Variants in KCMF1 observed in about 807,000 individuals in gnomAD.
KCMF1 encodes the protein E3 ubiquitin-protein ligase KCMF1.
KCMF1 carries 3 observed loss-of-function variants against 41.1 expected under a neutral mutation model. The observed-to-expected ratio is 0.07, with a 90% CI of 0.03 to 0.19. The LOEUF (loss-of-function observed/expected upper bound fraction) is 0.19, where lower values mean the gene tolerates loss of function less well. Among genes scored for constraint, KCMF1 ranks in the 10% least tolerant of loss-of-function variants. The pLI is 1.00. For synonymous variants in KCMF1, 142 were observed against 164.5 expected (o/e 0.86, Z 1.04); for missense variants, 286 against 488.9 (o/e 0.58, Z 3.91).
chr2:85,041,761 CTT>C (rs76025789), intron 3 of KCMF1, among the ~76,000 whole-genome samples: 74 of 91,900 alleles, frequency 8.1e-4, no homozygotes, highest in East Asian at 1.2e-3. Context: ...CATTGCTGGT[CTT>C]TTTTTTTTTT....
chr2:85,011,425 C>T (rs1427598437), intron 1 of KCMF1, among the ~76,000 whole-genome samples: 1 of 152,186 alleles, frequency 6.6e-6, no homozygotes, highest in Non-Finnish European at 1.5e-5. Flanking sequence ...ATCACTGCTT[C>T]TGGGCCCTGT....
At position 84,992,041 on chromosome 2, in the gene KCMF1, A is replaced by C. The variant is rs181538425; in HGVS notation, c.16+20574A>C. On this transcript the variant is annotated intron_variant, in intron 1 of 6. Transcript: ENST00000409785. ...TTAAGTTTTTCCTGAGATAATGAGT[A>C]GTGAAGTTAGGAATGGAACTTTGGA... 1.5e-4 allele frequency among the ~76,000 whole-genome samples: 23 copies of C among 152,338 alleles called. No individual in the cohort carries two copies. The East Asian group carries it at 4.4e-3, about 29-fold the overall frequency.
intron 1 of KCMF1, among the ~76,000 whole-genome samples, chr2:85,004,466 C>T (rs112795262): frequency 0.024 from 3,663 of 151,696 alleles, 147 homozygotes; most frequent in African/African-American, 0.083. Flanking sequence ...GAGCCGAGAT[C>T]GCGCCACTGC....
intron 1 of KCMF1, among the ~76,000 whole-genome samples, chr2:84,979,651 G>T (rs1673653575): frequency 6.6e-6 from 1 of 151,844 alleles, no homozygotes; most frequent in Non-Finnish European, 1.5e-5. Context: ...CCTAATAAAA[G>T]TCTTTTTTTA....
intron 1 of KCMF1, among the ~76,000 whole-genome samples, chr2:84,994,854 C>T (rs1408421327): frequency 2.0e-5 from 3 of 152,006 alleles, no homozygotes; most frequent in Non-Finnish European, 4.4e-5. Context: ...TTATAGTAGC[C>T]CTCTTCTTGA....
intron 1 of KCMF1, among the ~76,000 whole-genome samples, chr2:84,990,129 G>A (rs1178600600): frequency 6.6e-6 from 1 of 152,216 alleles, no homozygotes; most frequent in Admixed American, 6.5e-5. Context: ...TGAGCCATTG[G>A]AATAGGGAAG....
chr2:85,046,443 A>G (rs976509636), intron 5 of KCMF1, among the ~76,000 whole-genome samples, 165 bp downstream of exon 5: 7 of 152,168 alleles, frequency 4.6e-5, no homozygotes, highest in African/African-American at 1.7e-4. Context: ...CAGCCTGGCC[A>G]ACATGGCAAA....
intron 1 of KCMF1, among the ~76,000 whole-genome samples, chr2:85,001,145 T>C (rs1026192689): frequency 1.3e-5 from 2 of 151,294 alleles, no homozygotes; most frequent in Admixed American, 6.6e-5. Context: ...TTTATTTTAA[T>C]TAATTAATTA....
chr2:84,975,504 C>T (rs1160285796), intron 1 of KCMF1, among the ~76,000 whole-genome samples: 1 of 152,132 alleles, frequency 6.6e-6, no homozygotes, highest in Non-Finnish European at 1.5e-5. Flanking sequence ...CAACAGGCTC[C>T]CCACCCTACA....
chr2:85,052,324 G>T (rs1675828578), intron 6 of KCMF1, among the ~76,000 whole-genome samples: 1 of 152,158 alleles, frequency 6.6e-6, no homozygotes, highest in African/African-American at 2.4e-5. Context: ...GCCCGCCTTG[G>T]CCTCCCAAAG....
rs1415963339 is a variant in KCMF1, at chr2:85,054,168, G to C, written c.*759G>C. 1 of 152,082 alleles carries C rather than the reference G, an allele frequency of 6.6e-6. No homozygotes were observed. The highest frequency in any genetic ancestry group is 1.5e-5 in the Non-Finnish European group (1 of 68,030). The allele number at this position is 152,082 out of a possible 1,614,324, so 9.4% of individuals were successfully genotyped here. On this transcript the variant is annotated 3_prime_UTR_variant, in exon 7 of 7. Coordinates refer to ENST00000409785, the MANE Select transcript of KCMF1 (RefSeq NM_020122.5). Reference sequence around the variant, plus strand: ...TTTGTGTGCCCTAAAAACAAATCCTGTTCATGTTTGTTTAAAGTTTTTACT... The same window carrying C: ...TTTGTGTGCCCTAAAAACAAATCCTCTTCATGTTTGTTTAAAGTTTTTACT...
intron 1 of KCMF1, among the ~76,000 whole-genome samples, chr2:85,011,006 G>A (rs1035459247): frequency 1.3e-5 from 2 of 152,028 alleles, no homozygotes; most frequent in African/African-American, 2.4e-5. Flanking sequence ...ACCACGCCCA[G>A]CCAATTTTTA....
intron 1 of KCMF1, among the ~76,000 whole-genome samples, chr2:85,005,971 A>G (rs1445742634): frequency 6.6e-6 from 1 of 152,182 alleles, no homozygotes; most frequent in Non-Finnish European, 1.5e-5. Flanking sequence ...TTAACTAAGC[A>G]TACTTCTTTT....
At chr2:84,979,546 A>T (rs1002257532) in intron 1 of KCMF1, among the ~76,000 whole-genome samples, 2 of 150,608 alleles carry the variant, frequency 1.3e-5, no homozygotes, top group East Asian at 3.9e-4. Context: ...AAATCACTTT[A>T]TAAATATAGC....
At chr2:84,997,773 T>C (rs973480999) in intron 1 of KCMF1, among the ~76,000 whole-genome samples, 23 of 142,114 alleles carry the variant, frequency 1.6e-4, no homozygotes, top group Non-Finnish European at 3.2e-4. Flanking sequence ...TCTTTTTTTT[T>C]TTTTTTTTTT....
intron 2 of KCMF1, among the ~76,000 whole-genome samples, chr2:85,034,490 G>A (rs1345519511): frequency 2.0e-5 from 3 of 152,146 alleles, no homozygotes; most frequent in Non-Finnish European, 4.4e-5. Flanking sequence ...AAATGAAGGA[G>A]GATGGAGTTG....
At chr2:84,976,724 C>T (rs1302574077) in intron 1 of KCMF1, among the ~76,000 whole-genome samples, 1 of 151,550 alleles carries the variant, frequency 6.6e-6, no homozygotes, top group Non-Finnish European at 1.5e-5. Flanking sequence ...AAGATTTTCA[C>T]ATGTAAAAAT....
intron 1 of KCMF1, among the ~76,000 whole-genome samples, chr2:84,996,538 C>T (rs1212328475): frequency 6.7e-6 from 1 of 148,594 alleles, no homozygotes; most frequent in East Asian, 2.0e-4. Flanking sequence ...TGGGTTCAAG[C>T]GATTCTCCTG....
chr2:85,029,657 T>C (rs544386791), intron 2 of KCMF1, among the ~76,000 whole-genome samples: 48 of 150,386 alleles, frequency 3.2e-4, no homozygotes, highest in African/African-American at 9.5e-4. Flanking sequence ...TAAGAAAATA[T>C]ATAAATGTTT....
Sources: allele counts gnomAD v4.1 joint callset (sites outside exome capture counted in the v4.1 genomes callset), GRCh38; gene constraint gnomAD v4.1.1; transcripts MANE v1.5; gene names NCBI Gene and HGNC (gene_info 2026-07-23, HGNC 2026-07-21).